Variants in SCAF1 observed in about 807,000 individuals in gnomAD.
The protein encoded by SCAF1 is SR-related CTD associated factor 1.
Under a neutral mutation model 91.2 loss-of-function variants are expected in SCAF1, and 28 were observed. The ratio of observed to expected loss-of-function variants is 0.31; its 90% confidence interval spans 0.23 to 0.42. The LOEUF is 0.42. Among genes scored for constraint, SCAF1 ranks in the 10% least tolerant of loss-of-function variants. SCAF1 has a pLI of 1.00. For synonymous variants in SCAF1, 1,036 were observed against 833.7 expected (o/e 1.24, Z -4.18); for missense variants, 1,893 against 1,872.1 (o/e 1.01, Z -0.21).
chr19:49,650,582 G>A (rs1314709468), intron 6 of SCAF1, among the ~76,000 whole-genome samples: 1 of 152,166 alleles, frequency 6.6e-6, no homozygotes, highest in Non-Finnish European at 1.5e-5. Flanking sequence ...TGGGAGTGCA[G>A]GTTCGGGGCC....
intron 9 of SCAF1, among the ~76,000 whole-genome samples, chr19:49,657,270 C>T (rs2081145638): frequency 6.6e-6 from 1 of 150,608 alleles, no homozygotes; most frequent in Non-Finnish European, 1.5e-5. Flanking sequence ...TCAGTCCCCA[C>T]CCCCACTCCC....
In SCAF1 at chr19:49,658,419, G is replaced by A. The variant is rs1046870536; in HGVS notation, c.*20G>A. 5.8e-5 allele frequency: 83 copies of A among 1,440,270 alleles called. No homozygotes were observed. The highest frequency in any genetic ancestry group is 7.2e-5 in the African/African-American group (5 of 69,896). The allele number at this position is 1,440,270 out of a possible 1,614,324, so 89.2% of individuals were successfully genotyped here. Reference sequence around the variant, plus strand: ...CTCTGAGAGCCCTGGCCAGCTCTTCGCCCCTCACCTCTTTGAAACTCTGGA... The same window carrying A: ...CTCTGAGAGCCCTGGCCAGCTCTTCACCCCTCACCTCTTTGAAACTCTGGA... On this transcript the variant is annotated 3_prime_UTR_variant, in exon 11 of 11. Transcript: ENST00000360565.
chr19:49,649,432 C>A (rs2081073371), intron 6 of SCAF1, among the ~76,000 whole-genome samples: 1 of 152,194 alleles, frequency 6.6e-6, no homozygotes, highest in Non-Finnish European at 1.5e-5. Context: ...GTCATCATCA[C>A]CCCTGTTTCA....
intron 9 of SCAF1, among the ~76,000 whole-genome samples, chr19:49,657,156 A>G (rs1029726359): frequency 6.6e-6 from 1 of 152,180 alleles, no homozygotes; most frequent in African/African-American, 2.4e-5. Flanking sequence ...CCTGTCTCAA[A>G]AACAAAGAAA....
Position 49,652,243 on chromosome 19 carries a change from C to T in SCAF1, c.1854C>T (p.Ala618=), listed in dbSNP as rs1361857966. 2.8e-6 allele frequency: 4 copies of T among 1,407,180 alleles called. No homozygotes were observed. The African/African-American group carries it at 4.5e-5, about 16-fold the overall frequency. The allele number at this position is 1,407,180 out of a possible 1,614,324, so 87.2% of individuals were successfully genotyped here. A position where few individuals can be genotyped will look rare whatever the true frequency, so the allele number is the denominator to read the frequency against. Residue 618 remains alanine, a synonymous_variant, in exon 7 of 11, where the codon GCC becomes GCT. Coordinates refer to ENST00000360565, the MANE Select transcript of SCAF1 (RefSeq NM_021228.3). The part of the protein sequence containing the change: ...RRRRSASPPP[A]TSSSSSSRRE... ...GGCGCTCCGCCTCCCCGCCCCCGGC[C>T]ACTTCCTCATCGTCGTCCTCGAGGC...
At chr19:49,650,783 G>C (rs541925258) in intron 6 of SCAF1, 85 bp from the exon 7 acceptor site, 1 of 1,097,798 alleles carries the variant, frequency 9.1e-7, no homozygotes, top group Non-Finnish European at 1.3e-6. Context: ...TGGTGGCCCA[G>C]GGAGTGTCCA....
At chr19:49,644,780 A>G in intron 1 of SCAF1, 1 of 368,768 alleles carries the variant, frequency 2.7e-6, no homozygotes, top group Middle Eastern at 7.3e-4. Flanking sequence ...TCCCTTTGAC[A>G]TAAGAGGCAC....
rs901142521 is a variant in SCAF1, at chr19:49,651,687, C to T, written c.1298C>T (p.Pro433Leu). 4.3e-6 allele frequency: 6 copies of T among 1,403,100 alleles called. No individual in the cohort carries two copies. Among genetic ancestry groups the T allele is most frequent in the South Asian group, 3.1e-5 (2 of 64,036 alleles). 86.9% of individuals were successfully genotyped at this position (1,403,100 alleles called of 1,614,324 possible). The stretch of plus-strand genomic sequence containing the variant: ...GCCACCCCCACGGCCCAGCCCCTTC[C>T]TCAGCCTCCCGCTCCGCGGGCCCCC... ...ASATPTAQPL[P>L]QPPAPRAPEG... Residue 433 changes from proline (P) to leucine (L), a missense_variant, in exon 7 of 11, where the codon CCT (proline) becomes CTT (leucine). Around this residue, in one of 5 missense-constraint regions of SCAF1, gnomAD observed 1,436 missense variants for 1,306.8 expected, o/e 1.10. Transcript: ENST00000360565.
Position 49,645,547 on chromosome 19 carries a change from A to T in SCAF1, c.166+136A>T. ...CATGGGGAGCCAAAAATGGGCAGAC[A>T]CCCTGTAGCTGCCTTGGAAGGGCCT... On this transcript the variant is annotated intron_variant, in intron 3 of 10. Coordinates refer to ENST00000360565, the MANE Select transcript of SCAF1 (RefSeq NM_021228.3). This position sits in a 1 kb window ranked among gnomAD's most constrained non-coding sequence, Gnocchi z 4.6. 2 of 812,218 alleles carry T rather than the reference A, an allele frequency of 2.5e-6. No homozygotes were observed. The highest frequency in any genetic ancestry group is 2.0e-6 in the Non-Finnish European group (1 of 509,778). 50.3% of individuals were successfully genotyped at this position (812,218 alleles called of 1,614,324 possible).
chr19:49,651,120 C>T lies in SCAF1; in HGVS notation c.731C>T (p.Pro244Leu), dbSNP rs1226560896. 5 of 1,611,556 alleles carry T rather than the reference C, an allele frequency of 3.1e-6. 1 individual carries two copies. The highest frequency in any genetic ancestry group is 1.3e-5 in the African/African-American group (1 of 74,088). Reference protein sequence around the residue: ...TDEAYSPPPAPEQKYDPFEPT... With the variant: ...TDEAYSPPPALEQKYDPFEPT... ...GAGGCCTACTCTCCACCGCCTGCTC[C>T]GGAGCAAAAGTACGACCCTTTTGAG... Residue 244 changes from proline (P) to leucine (L), a missense_variant, in exon 7 of 11, where the codon CCG becomes CTG. By Grantham distance (98) the Pro-to-Leu change is moderately conservative (BLOSUM62 -3). Around this residue, in one of 5 missense-constraint regions of SCAF1, gnomAD observed 80 missense variants for 116.6 expected, o/e 0.69. Coordinates refer to ENST00000360565, the MANE Select transcript of SCAF1 (RefSeq NM_021228.3).
At position 49,642,492 on chromosome 19, in the gene SCAF1, C is replaced by G. The variant is rs1192145118; in HGVS notation, c.-7+250C>G. Among the ~76,000 whole-genome samples, 1 of 152,224 alleles carries G rather than the reference C, an allele frequency of 6.6e-6. No homozygotes were observed. Among genetic ancestry groups the G allele is most frequent in the East Asian group, 1.9e-4 (1 of 5,164 alleles). On this transcript the variant is annotated intron_variant, in intron 1 of 10. Coordinates refer to ENST00000360565, the MANE Select transcript of SCAF1 (RefSeq NM_021228.3). The surrounding 1 kb of genome is among the most constrained non-coding windows in gnomAD (Gnocchi z 4.0). ...GCGTCTCCGAGAGGACTTGGGGCGT[C>G]TCTGGGCCTAGACCGAGCCTAAGGC...
Position 49,645,375 on chromosome 19 carries a change from G to C in SCAF1, c.130G>C (p.Gly44Arg). 1 of 1,613,976 alleles carries C rather than the reference G, an allele frequency of 6.2e-7. No individual in the cohort carries two copies. Among genetic ancestry groups the C allele is most frequent in the Non-Finnish European group, 8.5e-7 (1 of 1,179,896 alleles). The change falls in exon 3 of 11, where the codon GGA becomes CGA. Residue 44 changes from glycine (G) to arginine (R), a missense_variant. This residue lies in a region of SCAF1 where 270 missense variants were observed against 292.5 expected (regional missense o/e 0.92). Coordinates refer to ENST00000360565, the MANE Select transcript of SCAF1 (RefSeq NM_021228.3). The surrounding 1 kb of genome is among the most constrained non-coding windows in gnomAD (Gnocchi z 4.6). ...FILRAIQQAV[G>R]SSLQGDLPND... ...CCAGCGAGCCATCCAGCAGGCTGTG[G>C]GAAGCTCCCTGCAGGGGGACCTGCC...
At chr19:49,655,020 C>T (rs1348693726) in intron 9 of SCAF1, 150 bp downstream of exon 9, 3 of 642,050 alleles carry the variant, frequency 4.7e-6, no homozygotes, top group East Asian at 2.8e-5. Context: ...TAAGGAACTC[C>T]ACTTTGCTGG....
In SCAF1 at chr19:49,646,244, C is replaced by G; in HGVS notation, c.261+42C>G. On this transcript the variant is annotated intron_variant, in intron 4 of 10. Coordinates refer to ENST00000360565, the MANE Select transcript of SCAF1 (RefSeq NM_021228.3). This position sits in a 1 kb window ranked among gnomAD's most constrained non-coding sequence, Gnocchi z 5.6. The stretch of plus-strand genomic sequence containing the variant: ...GGCTGGGGGCCTGGCTCACGGGTAT[C>G]AGGGAGGAAGGGATGGGGGCCTGAG... 6.8e-7 allele frequency: 1 copy of G among 1,472,430 alleles called. No homozygotes were observed. Among genetic ancestry groups the G allele is most frequent in the Non-Finnish European group, 9.2e-7 (1 of 1,087,356 alleles). The allele number at this position is 1,472,430 out of a possible 1,614,324, so 91.2% of individuals were successfully genotyped here. A position where few individuals can be genotyped will look rare whatever the true frequency, so the allele number is the denominator to read the frequency against.
upstream of SCAF1, chr19:49,642,050 A>G (rs2081029289): frequency 6.6e-6 from 1 of 152,340 alleles, no homozygotes; most frequent in South Asian, 2.1e-4. This position sits in a 1 kb window ranked among gnomAD's most constrained non-coding sequence, Gnocchi z 4.0. Flanking sequence ...ACCCCGCCCC[A>G]TGTGTCCCAT....
chr19:49,651,143 G>C lies in SCAF1; in HGVS notation c.754G>C (p.Glu252Gln), dbSNP rs200398253. 6.2e-7 allele frequency: 1 copy of C among 1,611,998 alleles called. No homozygotes were observed. Among genetic ancestry groups the C allele is most frequent in the East Asian group, 2.2e-5 (1 of 44,754 alleles). ...PAPEQKYDPF[E>Q]PTGSNPSSSA... ...TCCGGAGCAAAAGTACGACCCTTTT[G>C]AGCCCACCGGCTCCAACCCCAGCTC... The change falls in exon 7 of 11, where the codon GAG (glutamate) becomes CAG (glutamine). Residue 252 changes from glutamate (E) to glutamine (Q), a missense_variant. Physicochemically the swap from Glu to Gln is conservative, Grantham distance 29 (BLOSUM62 2). Around this residue, in one of 5 missense-constraint regions of SCAF1, gnomAD observed 80 missense variants for 116.6 expected, o/e 0.69. Transcript: ENST00000360565.
intron 9 of SCAF1, among the ~76,000 whole-genome samples, chr19:49,655,515 C>T (rs955211594): frequency 2.6e-5 from 4 of 151,780 alleles, no homozygotes; most frequent in Admixed American, 6.6e-5. Flanking sequence ...GACAGGCACC[C>T]GCCACCACAC....
chr19:49,657,906 AG>A lies in SCAF1; in HGVS notation c.3747+21del. ...GTCCACAAGGTGGGCACCCGGAGAG[AG>A]GGGCAGACACAGGCCGGGGAGAGAA... is the stretch of plus-strand genomic sequence containing the variant. On this transcript the variant is annotated intron_variant, in intron 10 of 10. Transcript: ENST00000360565. The A allele has an allele frequency of 1.2e-6, 2 of 1,609,460 alleles. No individual in the cohort carries two copies. Among genetic ancestry groups the A allele is most frequent in the Non-Finnish European group, 1.7e-6 (2 of 1,177,862 alleles).
At chr19:49,658,098 T>C in intron 10 of SCAF1, 110 bp from the exon 11 acceptor site, 3 of 1,312,404 alleles carry the variant, frequency 2.3e-6, no homozygotes, top group Non-Finnish European at 3.2e-6. Context: ...GACTTTGGCC[T>C]GGTTATTGGG....
Sources: gnomAD v4.1 joint callset for allele counts (sites outside exome capture counted in the v4.1 genomes callset) on GRCh38, gnomAD v4.1.1 for gene constraint, gnomAD v4.1.1 regional missense constraint, Gnocchi (gnomAD v3.1) non-coding constraint, MANE v1.5 for transcripts, NCBI Gene and HGNC (gene_info 2026-07-23, HGNC 2026-07-21) for gene names.